Variants in CELF2 observed in about 807,000 individuals in gnomAD.
CELF2 encodes the protein CUG triplet repeat RNA-binding protein 2.
Under a neutral mutation model 62.6 loss-of-function variants are expected in CELF2, and 8 were observed. The observed-to-expected ratio is 0.13, with a 90% CI of 0.07 to 0.23. CELF2 has a LOEUF of 0.23. Among genes scored for constraint, CELF2 ranks in the 10% least tolerant of loss-of-function variants. CELF2 has a pLI of 1.00. For synonymous variants in CELF2, 258 were observed against 250.0 expected (o/e 1.03, Z -0.30); for missense variants, 333 against 671.0 (o/e 0.50, Z 5.56).
the CELF2 span, among the ~76,000 whole-genome samples, chr10:10,657,796 A>G: frequency 6.6e-6 from 1 of 152,186 alleles, no homozygotes; most frequent in South Asian, 2.1e-4. Context: ...TCAGTTGGGG[A>G]TACAAGATGT....
chr10:10,477,966 A>G, the CELF2 span, among the ~76,000 whole-genome samples: 1 of 152,186 alleles, frequency 6.6e-6, no homozygotes, highest in African/African-American at 2.4e-5. Flanking sequence ...ATACAATTTA[A>G]TGCTCTAGAT....
the CELF2 span, among the ~76,000 whole-genome samples, chr10:10,684,673 G>A: frequency 6.6e-6 from 1 of 152,260 alleles, no homozygotes; most frequent in East Asian, 1.9e-4. Context: ...GAGCCCAGGA[G>A]GTTGAGCCTG....
At chr10:10,728,226 G>A in the CELF2 span, among the ~76,000 whole-genome samples, 1 of 151,510 alleles carries the variant, frequency 6.6e-6, no homozygotes, top group Non-Finnish European at 1.5e-5. Context: ...GGATCACGAG[G>A]TCAGGAGTTT....
the CELF2 span, among the ~76,000 whole-genome samples, chr10:10,693,986 A>C: frequency 6.6e-6 from 1 of 150,894 alleles, no homozygotes; most frequent in African/African-American, 2.5e-5. Context: ...TAATTTTTTG[A>C]AGGGTTTTTT....
At chr10:10,939,768 C>T (rs2046844927) in intron 2 of CELF2, among the ~76,000 whole-genome samples, 1 of 151,862 alleles carries the variant, frequency 6.6e-6, no homozygotes, top group African/African-American at 2.4e-5. Flanking sequence ...TCCTGGCTAA[C>T]ACGGTGAAAC....
At chr10:11,163,889 T>C (rs942783317) in intron 1 of CELF2, among the ~76,000 whole-genome samples, 8 of 152,236 alleles carry the variant, frequency 5.3e-5, no homozygotes, top group African/African-American at 1.9e-4. Flanking sequence ...AGGGCCATCC[T>C]AGACCCACAG....
chr10:11,018,557 G>GGGCGGGGTCCA (rs1235244507), intron 1 of CELF2, among the ~76,000 whole-genome samples: 1 of 151,458 alleles, frequency 6.6e-6, no homozygotes, highest in African/African-American at 2.4e-5. Flanking sequence ...CCCGGGGTCC[G>GGGCGGGGTCCA]GGCGGGGTCC....
At chr10:10,985,656 C>T (rs779669070) in intron 2 of CELF2, among the ~76,000 whole-genome samples, 8 of 152,140 alleles carry the variant, frequency 5.3e-5, no homozygotes, top group Non-Finnish European at 1.0e-4. Flanking sequence ...TGGGATTAGC[C>T]GCAGCCATAC....
At chr10:10,933,739 C>T (rs1310132544) in intron 2 of CELF2, among the ~76,000 whole-genome samples, 1 of 152,158 alleles carries the variant, frequency 6.6e-6, no homozygotes, top group Non-Finnish European at 1.5e-5. Context: ...ACATAATGCT[C>T]TCCAAGTTCA....
the CELF2 span, among the ~76,000 whole-genome samples, chr10:10,664,890 C>T: frequency 6.6e-6 from 1 of 152,218 alleles, no homozygotes; most frequent in Non-Finnish European, 1.5e-5. Context: ...GAGGTATTCA[C>T]ATTTACTGTT....
At chr10:10,612,132 G>T in the CELF2 span, among the ~76,000 whole-genome samples, 2 of 152,130 alleles carry the variant, frequency 1.3e-5, no homozygotes, top group South Asian at 4.1e-4. Flanking sequence ...TATGACAGTG[G>T]CTTTTATCCC....
chr10:11,064,015 C>G (rs1413800037), intron 1 of CELF2, among the ~76,000 whole-genome samples: 1 of 152,190 alleles, frequency 6.6e-6, no homozygotes, highest in Non-Finnish European at 1.5e-5. Flanking sequence ...AAACTAATTC[C>G]TGAGTGCCTT....
the CELF2 span, among the ~76,000 whole-genome samples, chr10:10,770,684 A>G: frequency 7.9e-6 from 1 of 126,420 alleles, no homozygotes; most frequent in African/African-American, 3.1e-5. Flanking sequence ...CCCAGGCCCC[A>G]TTTAGTACCA....
intron 1 of CELF2, among the ~76,000 whole-genome samples, chr10:10,900,250 A>G (rs2062842393): frequency 6.6e-6 from 1 of 152,252 alleles, no homozygotes; most frequent in African/African-American, 2.4e-5. Flanking sequence ...TCACCCTGTT[A>G]GCACAAGCAA....
At chr10:10,992,736 A>T (rs927507743) in intron 2 of CELF2, among the ~76,000 whole-genome samples, 2 of 152,208 alleles carry the variant, frequency 1.3e-5, no homozygotes, top group Non-Finnish European at 2.9e-5. Context: ...TAGAAAGGTA[A>T]TTAATGGATA....
the CELF2 span, among the ~76,000 whole-genome samples, chr10:10,550,721 G>A: frequency 6.7e-6 from 1 of 148,744 alleles, no homozygotes; most frequent in African/African-American, 2.5e-5. Context: ...TTTTTGAGAT[G>A]GAGTTTTGCT....
At chr10:10,881,076 A>G (rs1260056273) in intron 1 of CELF2, among the ~76,000 whole-genome samples, 1 of 152,194 alleles carries the variant, frequency 6.6e-6, no homozygotes, top group African/African-American at 2.4e-5. Flanking sequence ...TTTAACATGC[A>G]TGTTTAATTT....
chr10:11,295,772 T>C (rs1012098134), intron 9 of CELF2, among the ~76,000 whole-genome samples: 1 of 152,168 alleles, frequency 6.6e-6, no homozygotes, highest in Admixed American at 6.5e-5. Flanking sequence ...ACAGTGTGTC[T>C]GCCTAGTAAA....
At chr10:11,264,225 TGG>T (rs1330075639) in intron 5 of CELF2, among the ~76,000 whole-genome samples, 8 of 152,368 alleles carry the variant, frequency 5.3e-5, no homozygotes, top group Non-Finnish European at 8.8e-5. Flanking sequence ...ATTGTTCTAT[TGG>T]TAATACTTCT....
Sources: allele counts gnomAD v4.1 joint callset (sites outside exome capture counted in the v4.1 genomes callset), GRCh38; gene constraint gnomAD v4.1.1; transcripts MANE v1.5; gene names NCBI Gene and HGNC (gene_info 2026-07-23, HGNC 2026-07-21).